Variants in TRPC4 observed in about 807,000 individuals in gnomAD.
The protein encoded by TRPC4 is short transient receptor potential channel 4.
Under a neutral mutation model 99.4 loss-of-function variants are expected in TRPC4, and 49 were observed. The observed-to-expected ratio is 0.49, with a 90% confidence interval of 0.39 to 0.63. TRPC4 has a LOEUF of 0.63. TRPC4 is among the 20% of genes least tolerant of loss of function. TRPC4 has a pLI of 0.00. For missense variants in TRPC4, 898 were observed against 1,152.9 expected (o/e 0.78, Z 3.20); for synonymous variants, 454 against 425.9 (o/e 1.07, Z -0.81).
intron 3 of TRPC4, among the ~76,000 whole-genome samples, chr13:37,710,245 C>T (rs548566391): frequency 1.1e-3 from 163 of 151,992 alleles, no homozygotes; most frequent in Non-Finnish European, 1.9e-3. Flanking sequence ...TTTAGGTAAA[C>T]ATTAAGAGAT....
At chr13:37,740,156 T>C (rs1311246004) in intron 3 of TRPC4, among the ~76,000 whole-genome samples, 1 of 152,144 alleles carries the variant, frequency 6.6e-6, no homozygotes, top group Non-Finnish European at 1.5e-5. Flanking sequence ...CTTACCTGTG[T>C]GATTTTTTTT....
chr13:37,694,679 T>C (rs1211989960), intron 3 of TRPC4, among the ~76,000 whole-genome samples: 3 of 152,228 alleles, frequency 2.0e-5, no homozygotes, highest in African/African-American at 4.8e-5. Context: ...ATTGAAAGTA[T>C]ATACCTGTGC....
At chr13:37,821,040 T>C (rs945160529) in intron 1 of TRPC4, among the ~76,000 whole-genome samples, 2 of 152,074 alleles carry the variant, frequency 1.3e-5, no homozygotes, top group African/African-American at 2.4e-5. Context: ...GAAAGCCCCA[T>C]AGTCTCTGCA....
chr13:37,798,528 ATCTC>A (rs1957313152), intron 1 of TRPC4, among the ~76,000 whole-genome samples: 1 of 152,162 alleles, frequency 6.6e-6, no homozygotes, highest in Admixed American at 6.6e-5. Flanking sequence ...CAAAATTAGA[ATCTC>A]AAAGTGTCAT....
chr13:37,786,477 C>A (rs1223548191), intron 1 of TRPC4, among the ~76,000 whole-genome samples: 1 of 151,928 alleles, frequency 6.6e-6, no homozygotes, highest in Non-Finnish European at 1.5e-5. Context: ...AGGACAAAAA[C>A]AATAAAGTTT....
intron 3 of TRPC4, among the ~76,000 whole-genome samples, chr13:37,738,561 A>T (rs375452687): frequency 1.3e-5 from 2 of 152,174 alleles, no homozygotes; most frequent in East Asian, 1.9e-4. Flanking sequence ...AACATCCCAG[A>T]TGTTCTGATT....
At chr13:37,744,638 A>C (rs902369914) in intron 3 of TRPC4, among the ~76,000 whole-genome samples, 2 of 152,190 alleles carry the variant, frequency 1.3e-5, no homozygotes, top group African/African-American at 4.8e-5. Context: ...CAGACAAAGC[A>C]GCCAGGGCTT....
In TRPC4 at chr13:37,722,662, T is replaced by A. The variant is rs549153115; in HGVS notation, c.897+23275A>T. ...GAAAGTAACCAAGGAAATAGGGAAG[T>A]AGCATTTAGGTTTCAAAATATGTAG... On this transcript the variant is annotated intron_variant, in intron 3 of 10. Coordinates refer to ENST00000379705, the MANE Select transcript of TRPC4 (RefSeq NM_016179.4). Among the ~76,000 whole-genome samples the A allele has an allele frequency of 9.8e-5, 15 of 152,334 alleles. No homozygotes were observed. In the South Asian group the frequency reaches 3.1e-3, roughly 32 times the overall value.
intron 1 of TRPC4, among the ~76,000 whole-genome samples, chr13:37,824,501 A>G (rs1453468015): frequency 1.3e-5 from 2 of 151,982 alleles, no homozygotes; most frequent in Admixed American, 1.3e-4. Flanking sequence ...GAATTTTGTC[A>G]AAGGCCTTTT....
intron 1 of TRPC4, among the ~76,000 whole-genome samples, chr13:37,869,389 G>A (rs1352745382): frequency 6.6e-6 from 1 of 152,184 alleles, no homozygotes; most frequent in Admixed American, 6.5e-5. Context: ...CCCGAGTCAA[G>A]CACCGAAAGC....
intron 2 of TRPC4, among the ~76,000 whole-genome samples, chr13:37,753,605 G>GAA (rs1956011076): frequency 8.7e-6 from 1 of 114,360 alleles, no homozygotes; most frequent in Admixed American, 1.0e-4. Flanking sequence ...GAGAGAGAGA[G>GAA]AGAAAGAAAG....
chr13:37,838,783 A>AT (rs1287718464), intron 1 of TRPC4, among the ~76,000 whole-genome samples: 1 of 152,188 alleles, frequency 6.6e-6, no homozygotes, highest in African/African-American at 2.4e-5. Context: ...AGTTAAGAAT[A>AT]TATATACACC....
chr13:37,835,298 T>C (rs1442074612), intron 1 of TRPC4, among the ~76,000 whole-genome samples: 3 of 152,284 alleles, frequency 2.0e-5, no homozygotes, highest in East Asian at 1.9e-4. Flanking sequence ...AGGGCGTTCA[T>C]TGTAAAATAT....
chr13:37,714,084 C>T (rs957418700), intron 3 of TRPC4, among the ~76,000 whole-genome samples: 2 of 151,364 alleles, frequency 1.3e-5, no homozygotes, highest in African/African-American at 2.4e-5. Flanking sequence ...TCCCTTTCTC[C>T]CTTTCTTTTC....
Position 37,825,254 on chromosome 13 carries a change from T to C in TRPC4, c.-27-41894A>G, listed in dbSNP as rs1359082189. Among the ~76,000 whole-genome samples the C allele has an allele frequency of 2.6e-5, 4 of 152,114 alleles. No homozygotes were observed. In the East Asian group the frequency reaches 7.8e-4, roughly 30 times the overall value. On this transcript the variant is annotated intron_variant, in intron 1 of 10. Transcript: ENST00000379705. ...GGATTCATTAATTTTTTGAAGGGTT[T>C]TTTGTGTCTCTATTTCCTTCAGGTC...
intron 3 of TRPC4, among the ~76,000 whole-genome samples, chr13:37,722,532 T>C (rs936471835): frequency 2.6e-5 from 4 of 152,148 alleles, no homozygotes; most frequent in African/African-American, 9.7e-5. Context: ...AACATCACAC[T>C]AGAAGAACAA....
intron 1 of TRPC4, among the ~76,000 whole-genome samples, chr13:37,794,695 T>A (rs956763776): frequency 5.3e-5 from 8 of 152,186 alleles, no homozygotes; most frequent in African/African-American, 1.9e-4. Flanking sequence ...TTTGTCACTC[T>A]TTTACTTTTC....
Position 37,859,366 on chromosome 13 carries a change from A to G in TRPC4, c.-28+10229T>C, listed in dbSNP as rs151211505. On this transcript the variant is annotated intron_variant, in intron 1 of 10. Transcript: ENST00000379705. ...GACCAAAATTTTTCTGAAAGTAATGAAAGACAGGAAGCCATGCTTTGAAAA... is the reference window on the plus strand; with the variant it reads ...GACCAAAATTTTTCTGAAAGTAATGGAAGACAGGAAGCCATGCTTTGAAAA... Among the ~76,000 whole-genome samples the G allele has an allele frequency of 9.2e-5, 14 of 151,532 alleles. No individual in the cohort carries two copies. In the East Asian group the frequency reaches 2.7e-3, roughly 29 times the overall value.
At chr13:37,667,640 C>G (rs987493568) in intron 5 of TRPC4, among the ~76,000 whole-genome samples, 2 of 152,144 alleles carry the variant, frequency 1.3e-5, no homozygotes, top group African/African-American at 4.8e-5. Flanking sequence ...ACCCAACCAG[C>G]CCATGTCACA....
Sources: gnomAD v4.1 joint callset for allele counts (sites outside exome capture counted in the v4.1 genomes callset) on GRCh38, gnomAD v4.1.1 for gene constraint, MANE v1.5 for transcripts, NCBI Gene and HGNC (gene_info 2026-07-23, HGNC 2026-07-21) for gene names.